Variants in DNAH11 observed in about 807,000 individuals in gnomAD.
DNAH11 encodes the protein dynein axonemal heavy chain 11, also known as axonemal beta dynein heavy chain 11.
DNAH11 carries 442 observed loss-of-function variants against 526.0 expected under a neutral mutation model. That is an observed-to-expected ratio of 0.84 (90% confidence interval 0.78 to 0.91). The LOEUF (loss-of-function observed/expected upper bound fraction) is 0.91. Ranked by LOEUF, DNAH11 falls within the 40% of genes least tolerant of loss-of-function variation. The pLI is 0.00. For missense variants in DNAH11, 6,989 were observed against 5,448.7 expected (o/e 1.28, Z -8.90); for synonymous variants, 2,461 against 1,935.9 (o/e 1.27, Z -7.12).
rs554463485 is a variant in DNAH11, at chr7:21,558,465, T to G, written c.496-337T>G. Among the ~76,000 whole-genome samples, 11 of 152,354 alleles carry G rather than the reference T, an allele frequency of 7.2e-5. 1 individual carries two copies. Among genetic ancestry groups the G allele is most frequent in the African/African-American group, 2.4e-4 (10 of 41,600 alleles). ...GATTCAGAAAGATTGTTTTCATTAATGTGCCTGCCAGTGTGCTCAGTTTGC... is the reference window on the plus strand; with the variant it reads ...GATTCAGAAAGATTGTTTTCATTAAGGTGCCTGCCAGTGTGCTCAGTTTGC... On this transcript the variant is annotated intron_variant, in intron 2 of 81. Transcript: ENST00000409508.
chr7:21,900,511 G>A (rs1286326303), intron 81 of DNAH11, among the ~76,000 whole-genome samples: 3 of 111,250 alleles, frequency 2.7e-5, no homozygotes, highest in African/African-American at 5.7e-5. Flanking sequence ...CCTGGAAGAT[G>A]CTACTGCGTA....
chr7:21,829,288 A>G (rs933104980), intron 65 of DNAH11, among the ~76,000 whole-genome samples: 3 of 149,172 alleles, frequency 2.0e-5, no homozygotes, highest in Non-Finnish European at 4.5e-5. Flanking sequence ...AGCAGCTACT[A>G]TCTCTTTACC....
intron 49 of DNAH11, among the ~76,000 whole-genome samples, chr7:21,743,839 CA>C (rs1383984821): frequency 2.0e-5 from 3 of 152,202 alleles, no homozygotes; most frequent in African/African-American, 7.2e-5. Flanking sequence ...TAGCCTTTTG[CA>C]GCTCAGTTCT....
At chr7:21,615,806 T>A (rs1231460691) in intron 21 of DNAH11, among the ~76,000 whole-genome samples, 1 of 152,172 alleles carries the variant, frequency 6.6e-6, no homozygotes, top group Non-Finnish European at 1.5e-5. Context: ...ATATAAAATA[T>A]GGTCAAGAAA....
chr7:21,647,378 T>G (rs927351767), intron 28 of DNAH11, among the ~76,000 whole-genome samples: 2 of 151,610 alleles, frequency 1.3e-5, no homozygotes, highest in East Asian at 3.9e-4. Flanking sequence ...AGACTTCACA[T>G]TGGAAACAAA....
Position 21,765,479 on chromosome 7 carries a change from A to G in DNAH11, c.8992A>G (p.Lys2998Glu). 2 of 1,613,872 alleles carry G rather than the reference A, an allele frequency of 1.2e-6. No homozygotes were observed. The highest frequency in any genetic ancestry group is 1.7e-6 in the Non-Finnish European group (2 of 1,179,822). Residue 2998 changes from lysine to glutamate, a missense_variant, in exon 55 of 82, where the codon AAG (lysine) becomes GAG (glutamate). By Grantham distance (56) the Lys-to-Glu change is moderately conservative (BLOSUM62 1). Coordinates refer to ENST00000409508, the MANE Select transcript of DNAH11 (RefSeq NM_001277115.2). ...VGRTLRVRAR[K>E]FPAIVNCTAI... is the part of the protein sequence containing the mutation. Reference sequence around the variant, plus strand: ...TCGCACGCTGAGAGTTAGAGCTCGGAAGTTCCCAGCCATAGTTAACTGCAC... The same window carrying G: ...TCGCACGCTGAGAGTTAGAGCTCGGGAGTTCCCAGCCATAGTTAACTGCAC...
intron 45 of DNAH11, among the ~76,000 whole-genome samples, chr7:21,732,545 A>G (rs1043589213): frequency 6.6e-6 from 1 of 152,212 alleles, no homozygotes; most frequent in Non-Finnish European, 1.5e-5. Flanking sequence ...CTATTCCCAA[A>G]TAACATCACA....
chr7:21,640,009 A>G (rs778212351), intron 28 of DNAH11, among the ~76,000 whole-genome samples: 5 of 151,986 alleles, frequency 3.3e-5, no homozygotes, highest in African/African-American at 9.7e-5. Context: ...TCTCTTGTTC[A>G]TCACTTAACT....
At chr7:21,799,204 C>T (rs114532619) in intron 61 of DNAH11, among the ~76,000 whole-genome samples, 1,798 of 152,280 alleles carry the variant, frequency 0.012, 40 homozygotes, top group African/African-American at 0.041. Flanking sequence ...CTTGATACTG[C>T]TTAGCTGGTA....
At chr7:21,868,746 G>T in intron 72 of DNAH11, 118 bp from the exon 73 acceptor site, 1 of 1,318,102 alleles carries the variant, frequency 7.6e-7, no homozygotes, top group Non-Finnish European at 1.0e-6. Context: ...GATTCTTCAG[G>T]AAAGTCACTC....
At chr7:21,777,884 G>GTA (rs1787747156) in intron 56 of DNAH11, among the ~76,000 whole-genome samples, 1 of 152,184 alleles carries the variant, frequency 6.6e-6, no homozygotes, top group Non-Finnish European at 1.5e-5. Flanking sequence ...CTTGGATATA[G>GTA]TAATGGGGCG....
chr7:21,700,634 A>T (rs1047734543), intron 36 of DNAH11, among the ~76,000 whole-genome samples: 8 of 152,294 alleles, frequency 5.3e-5, no homozygotes, highest in Admixed American at 3.9e-4. Flanking sequence ...ATTATAAATC[A>T]TTCTACTATA....
intron 66 of DNAH11, among the ~76,000 whole-genome samples, chr7:21,849,270 C>G (rs1464436092): frequency 6.6e-6 from 1 of 152,364 alleles, no homozygotes; most frequent in Middle Eastern, 3.4e-3. Flanking sequence ...TCCCTCTCAT[C>G]CTTTATAACA....
intron 36 of DNAH11, 139 bp downstream of exon 36, chr7:21,698,352 G>T (rs2076771300): frequency 8.1e-7 from 1 of 1,234,622 alleles, no homozygotes. Flanking sequence ...CAATAGTTTG[G>T]GGGAACAGGT....
chr7:21,752,687 C>G (rs980083240), intron 54 of DNAH11, among the ~76,000 whole-genome samples: 2 of 151,920 alleles, frequency 1.3e-5, no homozygotes, highest in African/African-American at 4.8e-5. Context: ...TCAAGATAAT[C>G]TTTTTTATTT....
chr7:21,866,508 A>T lies in DNAH11; in HGVS notation c.11535A>T (p.Arg3845=). The change falls in exon 71 of 82, where the codon CGA becomes CGT. Residue 3845 remains arginine (R), a synonymous_variant. Transcript: ENST00000409508. Reference sequence around the variant, plus strand: ...TGGAAGAATTTCGAGGCATAGACCGAGATGTGGAAGGATCTGCCAAGCAGT... The same window carrying T: ...TGGAAGAATTTCGAGGCATAGACCGTGATGTGGAAGGATCTGCCAAGCAGT... ...AVMEEFRGID[R]DVEGSAKQWR... 6.2e-7 allele frequency: 1 copy of T among 1,613,414 alleles called. No homozygotes were observed. Among genetic ancestry groups the T allele is most frequent in the Non-Finnish European group, 8.5e-7 (1 of 1,179,742 alleles).
At chr7:21,571,066 G>A (rs2128436758) in intron 7 of DNAH11, among the ~76,000 whole-genome samples, 1 of 152,232 alleles carries the variant, frequency 6.6e-6, no homozygotes, top group South Asian at 2.1e-4. Context: ...CTCTGAATGT[G>A]AAATACCTAA....
At chr7:21,752,577 T>C (rs1786460720) in intron 54 of DNAH11, among the ~76,000 whole-genome samples, 1 of 152,244 alleles carries the variant, frequency 6.6e-6, no homozygotes, top group African/African-American at 2.4e-5. Flanking sequence ...TTTATAGGTC[T>C]GTAACTTTCC....
Position 21,866,365 on chromosome 7 carries a change from C to G in DNAH11, c.11497-105C>G, listed in dbSNP as rs1026345221. On this transcript the variant is annotated intron_variant, in intron 70 of 81. Transcript: ENST00000409508. ...ATCTGAAGAGGAGAGTGAATACTAT[C>G]CAGCACAGTTTTTTTACATAAGATT... is the stretch of plus-strand genomic sequence containing the variant. The G allele has an allele frequency of 1.6e-5, 18 of 1,094,632 alleles. No homozygotes were observed. The African/African-American group carries it at 1.7e-4, about 11-fold the overall frequency. The allele number at this position is 1,094,632 out of a possible 1,614,324, so 67.8% of individuals were successfully genotyped here.
Sources: gnomAD v4.1 joint callset for allele counts (sites outside exome capture counted in the v4.1 genomes callset) on GRCh38, gnomAD v4.1.1 for gene constraint, MANE v1.5 for transcripts, NCBI Gene and HGNC (gene_info 2026-07-23, HGNC 2026-07-21) for gene names.